SENP6: variants seen among roughly 807,000 people sequenced by gnomAD.
SENP6 encodes the protein sentrin-specific protease 6.
A neutral mutation model predicts 134.5 loss-of-function variants in SENP6; 41 were observed. That is an observed-to-expected ratio of 0.30 (90% CI 0.24 to 0.40). The LOEUF is 0.40. Among genes scored for constraint, SENP6 ranks in the 10% least tolerant of loss-of-function variants. The probability of loss-of-function intolerance (pLI) is 1.00; values close to 1 mark genes in which losing one functional copy is unlikely to be tolerated. For synonymous variants in SENP6, 395 were observed against 429.8 expected (o/e 0.92, Z 1.00); for missense variants, 1,248 against 1,312.5 (o/e 0.95, Z 0.76).
intron 1 of SENP6, among the ~76,000 whole-genome samples, chr6:75,610,234 A>G (rs1162351599): frequency 6.6e-6 from 1 of 152,116 alleles, no homozygotes; most frequent in East Asian, 1.9e-4. Flanking sequence ...TCTTGCTCTC[A>G]TTTTCATTAC....
At chr6:75,707,074 G>C (rs532135679) in intron 19 of SENP6, among the ~76,000 whole-genome samples, 2 of 152,254 alleles carry the variant, frequency 1.3e-5, no homozygotes, top group South Asian at 4.1e-4. Context: ...TTGTTTATGG[G>C]GGAATTGACT....
In SENP6 at chr6:75,678,901, T is replaced by C. The variant is rs1337633685; in HGVS notation, c.2049T>C (p.Asn683=). Reference sequence around the variant, plus strand: ...GTCTAAATGAAGGAGAATTTTTAAATGATGTTATTATAGACTTTTATTTGA... The same window carrying C: ...GTCTAAATGAAGGAGAATTTTTAAACGATGTTATTATAGACTTTTATTTGA... The part of the protein sequence containing the change: ...LHCLNEGEFL[N]DVIIDFYLKY... Residue 683 remains asparagine, a synonymous_variant, in exon 16 of 24, where the codon AAT becomes AAC. Transcript: ENST00000447266. 1 of 1,551,050 alleles carries C rather than the reference T, an allele frequency of 6.4e-7. No individual in the cohort carries two copies. The highest frequency in any genetic ancestry group is 1.7e-5 in the Admixed American group (1 of 58,748).
intron 16 of SENP6, among the ~76,000 whole-genome samples, chr6:75,689,370 A>G (rs146207739): frequency 3.0e-4 from 45 of 152,344 alleles, no homozygotes; most frequent in African/African-American, 1.0e-3. Flanking sequence ...TCAAAACAAT[A>G]TAACACAGTG....
intron 16 of SENP6, among the ~76,000 whole-genome samples, chr6:75,691,028 A>G (rs1774207262): frequency 1.4e-5 from 2 of 147,046 alleles, no homozygotes; most frequent in East Asian, 2.0e-4. Flanking sequence ...TTTTTTTAAT[A>G]GAGGCAGGAT....
At chr6:75,704,901 A>G (rs1469211082) in intron 19 of SENP6, among the ~76,000 whole-genome samples, 1 of 152,140 alleles carries the variant, frequency 6.6e-6, no homozygotes, top group Non-Finnish European at 1.5e-5. Flanking sequence ...GATCCCTTAA[A>G]CCTTGATTCC....
intron 5 of SENP6, among the ~76,000 whole-genome samples, chr6:75,639,137 A>G (rs1393856273): frequency 1.3e-5 from 2 of 152,164 alleles, no homozygotes; most frequent in African/African-American, 4.8e-5. Context: ...ATTAGGTATT[A>G]ATGCCTAACT....
rs144074697 is a variant in SENP6, at chr6:75,705,530, C to T, written c.2716+2458C>T. ...CTGCACTTCAGTCTGGGCAACAGAG[C>T]GAGACTCCATCTCAAAAATAAATAA... is the stretch of plus-strand genomic sequence containing the variant. On this transcript the variant is annotated intron_variant, in intron 19 of 23. Transcript: ENST00000447266. 0.012 allele frequency among the ~76,000 whole-genome samples: 1,829 copies of T among 151,860 alleles called. 60 individuals are homozygous for T. In the East Asian group the frequency reaches 0.14, roughly 11 times the overall value.
chr6:75,677,477 T>A, intron 14 of SENP6: 2 of 399,412 alleles, frequency 5.0e-6, no homozygotes, highest in East Asian at 8.4e-5. Flanking sequence ...TTTTGGTTCC[T>A]CCACATTCTA....
Position 75,666,827 on chromosome 6 carries a change from A to T in SENP6, c.1110A>T (p.Val370=). ...CCCCTGCACCATCCACTGGAAAAGT[A>T]GAAGCAGCGCTAAATGAAAATACTT... ...CSSPAPSTGK[V]EAALNENTCR... The change falls in exon 10 of 24, where the codon GTA becomes GTT. Residue 370 remains valine, a synonymous_variant. Coordinates refer to ENST00000447266, the MANE Select transcript of SENP6 (RefSeq NM_015571.4). The T allele has an allele frequency of 6.2e-7, 1 of 1,613,816 alleles. No homozygotes were observed. Among genetic ancestry groups the T allele is most frequent in the South Asian group, 1.1e-5 (1 of 91,062 alleles).
intron 5 of SENP6, among the ~76,000 whole-genome samples, chr6:75,638,576 GTGTGTGTGTGTGTGTATATATATATA>G (rs1331915323): frequency 7.5e-5 from 1 of 13,260 alleles, no homozygotes; most frequent in African/African-American, 2.2e-4. Context: ...GTGTGTGTGT[GTGTGTGTGTGTGTGTATATATATATA>G]TATATATATA....
chr6:75,624,096 T>A, intron 3 of SENP6, 136 bp downstream of exon 3: 1 of 621,834 alleles, frequency 1.6e-6, no homozygotes, highest in South Asian at 2.2e-5. Context: ...TGTTCCCAGT[T>A]TGTTATTTAT....
Position 75,623,904 on chromosome 6 carries a change from A to G in SENP6, c.151A>G (p.Thr51Ala), listed in dbSNP as rs1768464413. 1.9e-6 allele frequency: 3 copies of G among 1,605,024 alleles called. No individual in the cohort carries two copies. Among genetic ancestry groups the G allele is most frequent in the African/African-American group, 2.7e-5 (2 of 74,624 alleles). Residue 51 changes from threonine (T) to alanine (A), a missense_variant, in exon 3 of 24, where the codon ACA (threonine) becomes GCA (alanine). Physicochemically the swap from Thr to Ala is moderately conservative, Grantham distance 58. This residue lies in a region of SENP6 where 733 missense variants were observed against 725.4 expected (regional missense o/e 1.01). Transcript: ENST00000447266. ...ESEGDTDKDG[T>A]NLLSVDEDED... ...TTCCCCTTATTTTCTGTGTAGTGGG[A>G]CAAATCTGCTCAGTGTGGATGAAGA...
Position 75,647,722 on chromosome 6 carries a change from C to A in SENP6, c.480-9C>A. 6.3e-6 allele frequency: 10 copies of A among 1,585,958 alleles called. No homozygotes were observed. Among genetic ancestry groups the A allele is most frequent in the South Asian group, 1.1e-5 (1 of 90,060 alleles). ...TGTTAGAATAAAACTACATAAATTT[C>A]TTTTTTAGGAAAGAATACCCACCTC... On this transcript the variant is annotated splice_polypyrimidine_tract_variant and intron_variant, in intron 6 of 23. Transcript: ENST00000447266.
In SENP6 at chr6:75,702,660, G is replaced by T. The variant is rs1230908974; in HGVS notation, c.2304G>T (p.Leu768Phe). The T allele has an allele frequency of 1.3e-6, 2 of 1,589,870 alleles. No individual in the cohort carries two copies. Among genetic ancestry groups the T allele is most frequent in the African/African-American group, 1.4e-5 (1 of 73,874 alleles). Residue 768 changes from leucine (L) to phenylalanine (F), a missense_variant, in exon 19 of 24, where the codon TTG (leucine) becomes TTT (phenylalanine). Physicochemically the swap from Leu to Phe is conservative, Grantham distance 22. Around this residue, in one of 3 missense-constraint regions of SENP6, gnomAD observed 129 missense variants for 192.0 expected, o/e 0.67. Coordinates refer to ENST00000447266, the MANE Select transcript of SENP6 (RefSeq NM_015571.4). ...VPLNEAAHWF[L>F]AVVCFPGLEK... The stretch of plus-strand genomic sequence containing the variant: ...TTTTTTACAGTGCACACTGGTTTTT[G>T]GCTGTTGTTTGTTTCCCCGGTTTGG...
At chr6:75,637,560 CT>C (rs1769618158) in intron 5 of SENP6, among the ~76,000 whole-genome samples, 1 of 152,136 alleles carries the variant, frequency 6.6e-6, no homozygotes, top group African/African-American at 2.4e-5. Flanking sequence ...ATCCCTGCCC[CT>C]AACTTCAATC....
intron 1 of SENP6, among the ~76,000 whole-genome samples, chr6:75,607,287 G>C (rs1204792234): frequency 1.3e-5 from 2 of 151,738 alleles, no homozygotes; most frequent in Non-Finnish European, 2.9e-5. Flanking sequence ...AGTACAGAGC[G>C]AGACCCTGCC....
At chr6:75,689,351 A>T (rs906643845) in intron 16 of SENP6, among the ~76,000 whole-genome samples, 5 of 152,234 alleles carry the variant, frequency 3.3e-5, no homozygotes, top group Non-Finnish European at 5.9e-5. Context: ...TCATTAGAGA[A>T]ATGCAGCATC....
intron 3 of SENP6, among the ~76,000 whole-genome samples, chr6:75,630,350 T>G (rs525178): frequency 0.92 from 140,112 of 152,244 alleles, 65,057 homozygotes; most frequent in South Asian, 0.99. Flanking sequence ...GATTACAGGT[T>G]TGAGCTGCTC....
intron 6 of SENP6, among the ~76,000 whole-genome samples, chr6:75,642,568 G>A (rs564410810): frequency 6.6e-6 from 1 of 152,324 alleles, no homozygotes; most frequent in South Asian, 2.1e-4. Flanking sequence ...GAGAGGAAAG[G>A]AGACAATGTT....
Sources: allele counts gnomAD v4.1 joint callset (sites outside exome capture counted in the v4.1 genomes callset), GRCh38; gene constraint gnomAD v4.1.1; regional missense constraint gnomAD v4.1.1; transcripts MANE v1.5; gene names NCBI Gene and HGNC (gene_info 2026-07-23, HGNC 2026-07-21).